The following VSTM2B variants were observed in gnomAD, a reference collection of about 807,000 sequenced individuals.
VSTM2B encodes the protein V-set and transmembrane domain-containing protein 2B.
A neutral mutation model predicts 24.0 loss-of-function variants in VSTM2B; 24 were observed. The observed-to-expected ratio is 1.00, with a 90% confidence interval of 0.72 to 1.40. The LOEUF (loss-of-function observed/expected upper bound fraction) is 1.40, where lower values mean the gene tolerates loss of function less well. VSTM2B is among the 40% of genes most tolerant of loss of function. The probability of loss-of-function intolerance (pLI) is 0.00; values close to 1 mark genes in which losing one functional copy is unlikely to be tolerated. For synonymous variants in VSTM2B, 226 were observed against 194.4 expected (o/e 1.16, Z -1.35); for missense variants, 399 against 416.4 (o/e 0.96, Z 0.36).
In VSTM2B at chr19:29,526,478, T is replaced by A. The variant is rs1969569573; in HGVS notation, c.-106T>A. The A allele has an allele frequency of 4.4e-6, 3 of 688,104 alleles. No individual in the cohort carries two copies. The African/African-American group carries it at 5.8e-5, about 13-fold the overall frequency. 42.6% of individuals were successfully genotyped at this position (688,104 alleles called of 1,614,324 possible). The stretch of plus-strand genomic sequence containing the variant: ...GGGGAGGGGGCGCCGCGCGGGGCCA[T>A]GGCAGGCTCGGAGGCGTCCTAGCCC... On this transcript the variant is annotated 5_prime_UTR_variant, in exon 1 of 5. It removes an upstream start codon present in the reference 5' UTR. Transcript: ENST00000335523. The surrounding 1 kb of genome is among the most constrained non-coding windows in gnomAD (Gnocchi z 4.1).
chr19:29,547,414 C>T (rs1191291346), intron 4 of VSTM2B, among the ~76,000 whole-genome samples: 2 of 152,264 alleles, frequency 1.3e-5, no homozygotes, highest in East Asian at 1.9e-4. Context: ...AGTACCTGGC[C>T]CTAATAAGTG....
At chr19:29,554,920 T>C (rs374261515) in intron 4 of VSTM2B, among the ~76,000 whole-genome samples, 1 of 152,202 alleles carries the variant, frequency 6.6e-6, no homozygotes, top group South Asian at 2.1e-4. Context: ...TAAAACAAGT[T>C]CTTAGAGACC....
intron 4 of VSTM2B, among the ~76,000 whole-genome samples, chr19:29,535,628 G>T (rs1290414825): frequency 6.6e-6 from 1 of 152,244 alleles, no homozygotes; most frequent in Non-Finnish European, 1.5e-5. Context: ...AGCATCCGCG[G>T]ATGTCGCCAT....
chr19:29,539,309 C>T (rs146698961), intron 4 of VSTM2B, among the ~76,000 whole-genome samples: 594 of 152,196 alleles, frequency 3.9e-3, no homozygotes, highest in Non-Finnish European at 6.8e-3. Flanking sequence ...GCCAGTGGCG[C>T]GGGCACTGTG....
At chr19:29,557,918 A>G (rs1430052340) in intron 4 of VSTM2B, among the ~76,000 whole-genome samples, 1 of 152,172 alleles carries the variant, frequency 6.6e-6, no homozygotes, top group Non-Finnish European at 1.5e-5. Context: ...CAGACAACCT[A>G]TAGAATGGGA....
At chr19:29,538,968 G>T (rs1969961765) in intron 4 of VSTM2B, among the ~76,000 whole-genome samples, 1 of 152,134 alleles carries the variant, frequency 6.6e-6, no homozygotes, top group Admixed American at 6.5e-5. Context: ...TGATGGGGCT[G>T]ATGGAGCTCA....
chr19:29,550,589 C>T (rs1344144504), intron 4 of VSTM2B, among the ~76,000 whole-genome samples: 1 of 152,126 alleles, frequency 6.6e-6, no homozygotes, highest in South Asian at 2.1e-4. Context: ...ATGGCTTTGT[C>T]TGAAGACGAC....
At chr19:29,560,506 G>C (rs1446716466) in intron 4 of VSTM2B, among the ~76,000 whole-genome samples, 1 of 152,074 alleles carries the variant, frequency 6.6e-6, no homozygotes, top group East Asian at 1.9e-4. Flanking sequence ...ATCAGTGCCA[G>C]GCCAGGGAGA....
At chr19:29,549,778 C>T (rs1215900582) in intron 4 of VSTM2B, among the ~76,000 whole-genome samples, 3 of 152,208 alleles carry the variant, frequency 2.0e-5, no homozygotes, top group Non-Finnish European at 4.4e-5. Context: ...CCCCTGCAAA[C>T]CCAGAGAAAT....
At chr19:29,528,374 A>T in intron 2 of VSTM2B, 59 bp from the exon 3 acceptor site, 1 of 1,550,188 alleles carries the variant, frequency 6.5e-7, no homozygotes, top group South Asian at 1.2e-5. Flanking sequence ...GGCGGATCCG[A>T]GTTCCCCTAG....
At chr19:29,530,323 G>T in intron 4 of VSTM2B, 33 bp downstream of exon 4, 1 of 1,473,560 alleles carries the variant, frequency 6.8e-7, no homozygotes, top group African/African-American at 1.5e-5. Context: ...CGCACGCGCG[G>T]GGATGGCGCA....
At chr19:29,534,829 C>G (rs1969850377) in intron 4 of VSTM2B, among the ~76,000 whole-genome samples, 1 of 152,114 alleles carries the variant, frequency 6.6e-6, no homozygotes, top group Admixed American at 6.5e-5. Flanking sequence ...AAATAGTCCC[C>G]CATTAAGCGA....
chr19:29,559,218 C>T (rs961852395), intron 4 of VSTM2B, among the ~76,000 whole-genome samples: 12 of 152,124 alleles, frequency 7.9e-5, no homozygotes, highest in Non-Finnish European at 4.4e-5. Context: ...AACCCAAATC[C>T]CCATCAATGA....
intron 4 of VSTM2B, among the ~76,000 whole-genome samples, chr19:29,559,656 G>A (rs1372444768): frequency 6.6e-6 from 1 of 152,142 alleles, no homozygotes; most frequent in African/African-American, 2.4e-5. Flanking sequence ...AGTTTGCCTT[G>A]CTTGTTCTAG....
chr19:29,555,762 A>G (rs1426285505), intron 4 of VSTM2B, among the ~76,000 whole-genome samples: 1 of 152,214 alleles, frequency 6.6e-6, no homozygotes, highest in Non-Finnish European at 1.5e-5. Context: ...AACAACCATC[A>G]GAGAATACTA....
At chr19:29,548,127 C>T (rs1970192454) in intron 4 of VSTM2B, among the ~76,000 whole-genome samples, 1 of 152,090 alleles carries the variant, frequency 6.6e-6, no homozygotes. Flanking sequence ...CAGGGAATGG[C>T]TAAAACAGGC....
At chr19:29,562,630 C>T (rs185960347) in intron 4 of VSTM2B, among the ~76,000 whole-genome samples, 158 of 152,286 alleles carry the variant, frequency 1.0e-3, no homozygotes, top group Non-Finnish European at 1.7e-3. Flanking sequence ...CAAGTAGTGA[C>T]GTCCCCCGGG....
At chr19:29,531,306 T>C (rs1409566816) in intron 4 of VSTM2B, among the ~76,000 whole-genome samples, 1 of 152,214 alleles carries the variant, frequency 6.6e-6, no homozygotes, top group African/African-American at 2.4e-5. Flanking sequence ...GCATCTCTCC[T>C]GGCCACATGG....
intron 4 of VSTM2B, among the ~76,000 whole-genome samples, chr19:29,555,020 A>C (rs888146926): frequency 1.3e-5 from 2 of 152,230 alleles, no homozygotes; most frequent in African/African-American, 4.8e-5. Flanking sequence ...AAAATTAACA[A>C]GGATATTTAG....
Sources: allele counts gnomAD v4.1 joint callset (sites outside exome capture counted in the v4.1 genomes callset), GRCh38; gene constraint gnomAD v4.1.1; non-coding constraint Gnocchi (gnomAD v3.1); transcripts MANE v1.5; gene names NCBI Gene and HGNC (gene_info 2026-07-23, HGNC 2026-07-21).